Variants in LDB2 observed in about 807,000 individuals in gnomAD.
LDB2 encodes LIM domain-binding protein 2.
A neutral mutation model predicts 44.3 loss-of-function variants in LDB2; 12 were observed. The ratio of observed to expected loss-of-function variants is 0.27; its 90% confidence interval spans 0.17 to 0.44. LDB2 has a LOEUF of 0.44. Among genes scored for constraint, LDB2 ranks in the 20% least tolerant of loss-of-function variants. The pLI is 1.00. For synonymous variants in LDB2, 164 were observed against 174.8 expected (o/e 0.94, Z 0.49); for missense variants, 344 against 473.5 (o/e 0.73, Z 2.54).
intron 1 of LDB2, among the ~76,000 whole-genome samples, chr4:16,867,194 C>T (rs1352545926): frequency 6.6e-6 from 1 of 152,164 alleles, no homozygotes; most frequent in African/African-American, 2.4e-5. Context: ...CAATGCTCAG[C>T]CTTGGAAACA....
chr4:16,885,745 T>C (rs1721483327), intron 1 of LDB2, among the ~76,000 whole-genome samples: 1 of 152,056 alleles, frequency 6.6e-6, no homozygotes, highest in Admixed American at 6.5e-5. Flanking sequence ...TCAGAAATAA[T>C]ACAAGAGAAA....
At position 16,693,952 on chromosome 4, in the gene LDB2, T is replaced by A. The variant is rs180909361; in HGVS notation, c.235+65206A>T. ...ATAACCTTAAGTCCACTTCATTATA[T>A]ACAGAAATCATTCAAACTTTCAACA... On this transcript the variant is annotated intron_variant, in intron 2 of 7. Coordinates refer to ENST00000304523, the MANE Select transcript of LDB2 (RefSeq NM_001290.5). 7.9e-5 allele frequency among the ~76,000 whole-genome samples: 12 copies of A among 152,330 alleles called. No individual in the cohort carries two copies. In the East Asian group the frequency reaches 2.1e-3, roughly 27 times the overall value.
chr4:16,713,995 G>A (rs1328548426), intron 2 of LDB2, among the ~76,000 whole-genome samples: 1 of 152,186 alleles, frequency 6.6e-6, no homozygotes, highest in Non-Finnish European at 1.5e-5. Flanking sequence ...GAGATATTAA[G>A]AGCAGGTAGA....
chr4:16,810,375 T>C (rs185821691), intron 1 of LDB2, among the ~76,000 whole-genome samples: 1 of 152,228 alleles, frequency 6.6e-6, no homozygotes, highest in African/African-American at 2.4e-5. Flanking sequence ...ACATTATCTA[T>C]GTTGAACTTT....
At chr4:16,664,036 AGAG>A (rs1440855514) in intron 2 of LDB2, among the ~76,000 whole-genome samples, 1 of 100,478 alleles carries the variant, frequency 1.0e-5, no homozygotes, top group Non-Finnish European at 2.4e-5. Context: ...TAAAAGAGAG[AGAG>A]AAAAAAAGGG....
chr4:16,874,757 T>G (rs1403733096), intron 1 of LDB2, among the ~76,000 whole-genome samples: 2 of 152,190 alleles, frequency 1.3e-5, no homozygotes, highest in East Asian at 3.9e-4. Flanking sequence ...TTATACTACG[T>G]GGAAAATCGT....
At chr4:16,583,865 C>T (rs754786219) in intron 5 of LDB2, among the ~76,000 whole-genome samples, 5 of 152,142 alleles carry the variant, frequency 3.3e-5, no homozygotes, top group East Asian at 1.9e-4. Flanking sequence ...CAGCACGCTT[C>T]GCTGGAACCA....
intron 2 of LDB2, among the ~76,000 whole-genome samples, chr4:16,713,206 A>AATGTG (rs1472338720): frequency 6.6e-6 from 1 of 152,330 alleles, no homozygotes; most frequent in South Asian, 2.1e-4. Flanking sequence ...TAGGAATGCA[A>AATGTG]ATGTGCAGTC....
At chr4:16,710,504 A>G (rs1175694971) in intron 2 of LDB2, among the ~76,000 whole-genome samples, 1 of 152,174 alleles carries the variant, frequency 6.6e-6, no homozygotes, top group Non-Finnish European at 1.5e-5. Flanking sequence ...CTTCCCGAGG[A>G]ATCTGAAGCT....
At position 16,880,619 on chromosome 4, in the gene LDB2, A is replaced by C. The variant is rs142334078; in HGVS notation, c.132+17735T>G. 1.6e-3 allele frequency among the ~76,000 whole-genome samples: 244 copies of C among 152,188 alleles called. 2 individuals are homozygous for C. Among genetic ancestry groups the C allele is most frequent in the Middle Eastern group, 6.8e-3 (2 of 292 alleles). On this transcript the variant is annotated intron_variant, in intron 1 of 7. Coordinates refer to ENST00000304523, the MANE Select transcript of LDB2 (RefSeq NM_001290.5). ...CCTCATTCATTCAAGCACTATTTAGATTATCATTTCTGCCCTTGGCCCTGT... is the reference window on the plus strand; with the variant it reads ...CCTCATTCATTCAAGCACTATTTAGCTTATCATTTCTGCCCTTGGCCCTGT...
chr4:16,717,664 T>C (rs1757365400), intron 2 of LDB2, among the ~76,000 whole-genome samples: 1 of 152,202 alleles, frequency 6.6e-6, no homozygotes, highest in Non-Finnish European at 1.5e-5. Flanking sequence ...ATGATAACTT[T>C]ATATGCAATT....
chr4:16,734,495 AG>A (rs1561035457), intron 2 of LDB2, among the ~76,000 whole-genome samples: 3 of 152,142 alleles, frequency 2.0e-5, no homozygotes, highest in Non-Finnish European at 1.5e-5. Context: ...AAACAAAAAA[AG>A]GTTCTCCAAC....
chr4:16,804,024 G>A (rs1426677684), intron 1 of LDB2, among the ~76,000 whole-genome samples: 1 of 152,182 alleles, frequency 6.6e-6, no homozygotes, highest in Non-Finnish European at 1.5e-5. Context: ...TCACTTGATT[G>A]AGTACTCTTA....
intron 2 of LDB2, among the ~76,000 whole-genome samples, chr4:16,656,013 C>T (rs1184193635): frequency 1.3e-5 from 2 of 148,778 alleles, no homozygotes; most frequent in Admixed American, 7.1e-5. Context: ...CATTCTCCTG[C>T]CTCAGCCTCC....
chr4:16,825,631 A>T (rs1240189293), intron 1 of LDB2, among the ~76,000 whole-genome samples: 2 of 152,148 alleles, frequency 1.3e-5, no homozygotes, highest in African/African-American at 4.8e-5. Context: ...CCAGGTTTAC[A>T]ATGTTTCCAA....
intron 5 of LDB2, among the ~76,000 whole-genome samples, chr4:16,540,072 T>C (rs1733236539): frequency 1.3e-5 from 2 of 151,804 alleles, no homozygotes; most frequent in Non-Finnish European, 2.9e-5. Context: ...GCAGGAGTGG[T>C]GGGGGAGATG....
At chr4:16,777,258 C>T (rs977779300) in intron 1 of LDB2, among the ~76,000 whole-genome samples, 2 of 151,984 alleles carry the variant, frequency 1.3e-5, no homozygotes, top group African/African-American at 4.8e-5. Context: ...GTGGAGCATA[C>T]GGTGTTAGGG....
chr4:16,616,297 T>G (rs918582789), intron 2 of LDB2, among the ~76,000 whole-genome samples: 2 of 152,202 alleles, frequency 1.3e-5, no homozygotes, highest in Admixed American at 1.3e-4. Context: ...GTTAGTTATT[T>G]TATAATTTTA....
At chr4:16,732,626 T>C (rs1406994652) in intron 2 of LDB2, among the ~76,000 whole-genome samples, 3 of 152,200 alleles carry the variant, frequency 2.0e-5, no homozygotes, top group Non-Finnish European at 4.4e-5. Flanking sequence ...CAGCTATAGT[T>C]CTATATAGAA....
Sources: gnomAD v4.1 joint callset for allele counts (sites outside exome capture counted in the v4.1 genomes callset) on GRCh38, gnomAD v4.1.1 for gene constraint, MANE v1.5 for transcripts, NCBI Gene and HGNC (gene_info 2026-07-23, HGNC 2026-07-21) for gene names.